PRUNE1: variants seen among roughly 807,000 people sequenced by gnomAD.
PRUNE1 encodes prune exopolyphosphatase 1.
A neutral mutation model predicts 42.5 loss-of-function variants in PRUNE1; 25 were observed. That is an observed-to-expected ratio of 0.59 (90% confidence interval 0.43 to 0.82). The LOEUF (loss-of-function observed/expected upper bound fraction) is 0.82. PRUNE1 is among the 40% of genes least tolerant of loss of function. The probability of loss-of-function intolerance (pLI) is 0.00; values close to 1 mark genes in which losing one functional copy is unlikely to be tolerated. For missense variants in PRUNE1, 443 were observed against 539.3 expected (o/e 0.82, Z 1.77); for synonymous variants, 203 against 217.1 (o/e 0.93, Z 0.57).
rs1439635705 is a variant in PRUNE1, at chr1:151,027,210, C to T, written c.680-23C>T. On this transcript the variant is annotated intron_variant, in intron 5 of 7. Transcript: ENST00000271620. ...GACCCTGGCCTACCCTGTTTGACCC[C>T]TAGTCTCTCATCTGCTTTCTAGGAC... 3.2e-6 allele frequency: 5 copies of T among 1,561,682 alleles called. No homozygotes were observed. In the East Asian group the frequency reaches 9.0e-5, roughly 28 times the overall value.
chr1:151,012,331 A>G (rs1673820414), intron 1 of PRUNE1, among the ~76,000 whole-genome samples: 1 of 152,182 alleles, frequency 6.6e-6, no homozygotes, highest in Non-Finnish European at 1.5e-5. Context: ...ATGATGTCTT[A>G]TAAGTTGGGC....
intron 3 of PRUNE1, among the ~76,000 whole-genome samples, chr1:151,019,113 G>T (rs77960681): frequency 0.03 from 4,618 of 152,234 alleles, 110 homozygotes; most frequent in South Asian, 0.1. Flanking sequence ...ATTAGATATA[G>T]AAAAACAACA....
At chr1:151,012,622 AAGAC>A (rs1673844310) in intron 1 of PRUNE1, among the ~76,000 whole-genome samples, 1 of 152,160 alleles carries the variant, frequency 6.6e-6, no homozygotes, top group Non-Finnish European at 1.5e-5. Context: ...TTCACAGAGA[AAGAC>A]ATTAGGTAGA....
intron 7 of PRUNE1, among the ~76,000 whole-genome samples, chr1:151,030,488 T>C (rs1203540605): frequency 6.6e-6 from 1 of 151,984 alleles, no homozygotes; most frequent in Non-Finnish European, 1.5e-5. Context: ...AACTGCAGTT[T>C]TGTCTGTTTG....
intron 7 of PRUNE1, among the ~76,000 whole-genome samples, chr1:151,033,377 G>T (rs1006512572): frequency 7.0e-6 from 1 of 142,820 alleles, no homozygotes; most frequent in East Asian, 2.1e-4. Context: ...GAGCCACCGC[G>T]CCCGGCTGAC....
In PRUNE1 at chr1:151,017,911, A is replaced by T. The variant is rs771243723; in HGVS notation, c.132+7A>T. 2.5e-5 allele frequency: 39 copies of T among 1,543,020 alleles called. No homozygotes were observed. The highest frequency in any genetic ancestry group is 3.3e-5 in the Non-Finnish European group (37 of 1,116,292). On this transcript the variant is annotated splice_region_variant and intron_variant, in intron 2 of 7. Coordinates refer to ENST00000271620, the MANE Select transcript of PRUNE1 (RefSeq NM_021222.3). ...GGCTTTTTACCTAGCAAAGGTGGGTAAAAAAACGTAGTACCTAGGATCTGA... is the reference window on the plus strand; with the variant it reads ...GGCTTTTTACCTAGCAAAGGTGGGTTAAAAAACGTAGTACCTAGGATCTGA...
chr1:151,009,562 G>A (rs1673616077), intron 1 of PRUNE1, among the ~76,000 whole-genome samples: 2 of 152,182 alleles, frequency 1.3e-5, no homozygotes, highest in Admixed American at 1.3e-4. Context: ...TCTACTTTGA[G>A]TTATACTGCC....
intron 1 of PRUNE1, among the ~76,000 whole-genome samples, chr1:151,016,951 G>T (rs1228665376): frequency 3.3e-5 from 5 of 150,844 alleles, no homozygotes; most frequent in African/African-American, 1.2e-4. Flanking sequence ...ACCTGAGGTC[G>T]GGAGTTCGAG....
intron 1 of PRUNE1, among the ~76,000 whole-genome samples, chr1:151,014,759 GT>G (rs1314858735): frequency 2.6e-5 from 4 of 152,168 alleles, no homozygotes; most frequent in Non-Finnish European, 5.9e-5. Flanking sequence ...ACTGGGGGCA[GT>G]TTTGCCCCCC....
intron 7 of PRUNE1, among the ~76,000 whole-genome samples, chr1:151,032,704 A>G (rs1277687755): frequency 1.1e-5 from 1 of 92,206 alleles, no homozygotes; most frequent in Non-Finnish European, 2.4e-5. Context: ...ACAGAGCAAG[A>G]CTCTGTCTCA....
At chr1:151,019,605 C>A (rs1185538233) in intron 3 of PRUNE1, among the ~76,000 whole-genome samples, 3 of 148,692 alleles carry the variant, frequency 2.0e-5, no homozygotes, top group Non-Finnish European at 3.0e-5. Context: ...GTAATAGAAA[C>A]CTTTGAAAAA....
chr1:151,020,938 T>C (rs6673766), intron 3 of PRUNE1, among the ~76,000 whole-genome samples: 2,732 of 150,488 alleles, frequency 0.018, 62 homozygotes, highest in African/African-American at 0.051. Flanking sequence ...GCTGAGATCA[T>C]GCCACTTGCA....
At chr1:151,027,781 T>TGTGTGTGTGTGCGCGCGC (rs764369341) in intron 6 of PRUNE1, among the ~76,000 whole-genome samples, 1 of 142,530 alleles carries the variant, frequency 7.0e-6, no homozygotes, top group African/African-American at 2.7e-5. Flanking sequence ...TGTGTGTGTG[T>TGTGTGTGTGTGCGCGCGC]GCGCGCGCGT....
intron 6 of PRUNE1, among the ~76,000 whole-genome samples, chr1:151,028,439 T>C (rs759112098): frequency 1.3e-4 from 20 of 151,984 alleles, no homozygotes; most frequent in Non-Finnish European, 2.9e-4. Flanking sequence ...TTTTTGTTTT[T>C]TGAGACGGAG....
chr1:151,035,426 TAG>T lies in PRUNE1; in HGVS notation c.*1195_*1196del, dbSNP rs1212478689. The T allele has an allele frequency of 1.3e-5, 2 of 151,464 alleles. No homozygotes were observed. Among genetic ancestry groups the T allele is most frequent in the South Asian group, 4.1e-4 (2 of 4,832 alleles). The allele number at this position is 151,464 out of a possible 1,614,324, so 9.4% of individuals were successfully genotyped here. A position where few individuals can be genotyped will look rare whatever the true frequency, so the allele number is the denominator to read the frequency against. On this transcript the variant is annotated 3_prime_UTR_variant, in exon 8 of 8. Coordinates refer to ENST00000271620, the MANE Select transcript of PRUNE1 (RefSeq NM_021222.3). ...CTCCCACTAACTTGTTCTGCATGTG[TAG>T]AGTCTCCCCATTTTTTTTAACGCAA...
In PRUNE1 at chr1:151,008,662, T is replaced by C. The variant is rs112740880; in HGVS notation, c.30T>C (p.Ala10=). Residue 10 remains alanine (A), a synonymous_variant, in exon 1 of 8, where the codon GCT becomes GCC. Coordinates refer to ENST00000271620, the MANE Select transcript of PRUNE1 (RefSeq NM_021222.3). ...AGGACTACCTGCAGGGTTGTCGAGCTGCTCTGCAGGTAACGAATCCCTGTC... is the reference window on the plus strand; with the variant it reads ...AGGACTACCTGCAGGGTTGTCGAGCCGCTCTGCAGGTAACGAATCCCTGTC... MEDYLQGCR[A]ALQESRPLHV... is the part of the protein sequence containing the mutation. 170 of 1,614,126 alleles carry C rather than the reference T, an allele frequency of 1.1e-4. No individual in the cohort carries two copies. In the African/African-American group the frequency reaches 1.7e-3, roughly 16 times the overall value.
Position 151,015,677 on chromosome 1 carries a change from G to A in PRUNE1, c.40-2135G>A, listed in dbSNP as rs200587985. ...AAATTAGTCGGGCATGGTGGCGGGTGCCTGTAGTCCCAGCTACTCAGGAGG... is the reference window on the plus strand; with the variant it reads ...AAATTAGTCGGGCATGGTGGCGGGTACCTGTAGTCCCAGCTACTCAGGAGG... On this transcript the variant is annotated intron_variant, in intron 1 of 7. Transcript: ENST00000271620. Among the ~76,000 whole-genome samples, 8 of 150,544 alleles carry A rather than the reference G, an allele frequency of 5.3e-5. No individual in the cohort carries two copies. The East Asian group carries it at 1.6e-3, about 29-fold the overall frequency.
In PRUNE1 at chr1:151,033,682, A is replaced by G. The variant is rs587709714; in HGVS notation, c.934-124A>G. On this transcript the variant is annotated intron_variant, in intron 7 of 7. Transcript: ENST00000271620. ...TGGGATTGCAAGCGTGAGCCACCGC[A>G]CCCCGCCCGGCCGACTTACTTTTTA... The G allele has an allele frequency of 6.1e-5, 57 of 933,016 alleles. No homozygotes were observed. In the East Asian group the frequency reaches 1.3e-3, roughly 21 times the overall value. The allele number at this position is 933,016 out of a possible 1,614,324, so 57.8% of individuals were successfully genotyped here.
intron 1 of PRUNE1, among the ~76,000 whole-genome samples, chr1:151,015,383 C>G (rs1400044239): frequency 6.8e-6 from 1 of 146,154 alleles, no homozygotes; most frequent in African/African-American, 2.5e-5. Flanking sequence ...TGCCTGTAAT[C>G]CCAGCACTTT....
Sources: allele counts gnomAD v4.1 joint callset (sites outside exome capture counted in the v4.1 genomes callset), GRCh38; gene constraint gnomAD v4.1.1; transcripts MANE v1.5; gene names NCBI Gene and HGNC (gene_info 2026-07-23, HGNC 2026-07-21).